Variants in ELOVL5 observed in about 807,000 individuals in gnomAD.
The protein encoded by ELOVL5 is very long chain fatty acid elongase 5.
A neutral mutation model predicts 38.6 loss-of-function variants in ELOVL5; 8 were observed. That is an observed-to-expected ratio of 0.21 (90% CI 0.12 to 0.37). The LOEUF (loss-of-function observed/expected upper bound fraction) is 0.37, where lower values mean the gene tolerates loss of function less well. Ranked by LOEUF, ELOVL5 falls within the 10% of genes least tolerant of loss-of-function variation. The pLI, the probability that ELOVL5 is intolerant of heterozygous loss-of-function variation, is 1.00. For synonymous variants in ELOVL5, 127 were observed against 133.7 expected (o/e 0.95, Z 0.34); for missense variants, 280 against 367.8 (o/e 0.76, Z 1.95).
intron 6 of ELOVL5, among the ~76,000 whole-genome samples, chr6:53,271,407 G>C (rs1315999466): frequency 6.6e-6 from 1 of 152,126 alleles, no homozygotes; most frequent in African/African-American, 2.4e-5. Context: ...AAAATTAGCT[G>C]GGTATGGTGG....
chr6:53,292,083 T>C (rs983165898), intron 2 of ELOVL5, 120 bp from the exon 3 acceptor site: 4 of 577,844 alleles, frequency 6.9e-6, no homozygotes, highest in African/African-American at 5.7e-5. Context: ...TTAATTCCAA[T>C]AAAGCAATCA....
intron 3 of ELOVL5, among the ~76,000 whole-genome samples, chr6:53,278,720 A>C (rs1766237652): frequency 6.6e-6 from 1 of 151,958 alleles, no homozygotes; most frequent in South Asian, 2.1e-4. Flanking sequence ...TTCCTCTTCC[A>C]CCTGTTGAGG....
intron 1 of ELOVL5, among the ~76,000 whole-genome samples, chr6:53,343,146 TTGC>T (rs1286590341): frequency 2.0e-5 from 3 of 152,126 alleles, no homozygotes; most frequent in African/African-American, 4.8e-5. Context: ...AACCAGCAGC[TTGC>T]TGCTGCTGCT....
chr6:53,315,222 T>C (rs1166538152), intron 1 of ELOVL5, among the ~76,000 whole-genome samples: 1 of 152,086 alleles, frequency 6.6e-6, no homozygotes, highest in African/African-American at 2.4e-5. Flanking sequence ...TGGGGATGGG[T>C]AGAGAGAGTA....
intron 2 of ELOVL5, chr6:53,294,368 T>C (rs748602752): frequency 1.3e-6 from 2 of 1,567,722 alleles, no homozygotes; most frequent in Admixed American, 1.9e-5. Flanking sequence ...AACTTCTTTA[T>C]GCTTAAAACC....
intron 1 of ELOVL5, among the ~76,000 whole-genome samples, chr6:53,324,419 T>C (rs1452917987): frequency 1.3e-5 from 2 of 151,984 alleles, no homozygotes; most frequent in Non-Finnish European, 2.9e-5. Flanking sequence ...CTCACAGCTG[T>C]AATCCCAACA....
At chr6:53,302,554 G>C (rs80062634) in intron 1 of ELOVL5, among the ~76,000 whole-genome samples, 9,309 of 151,990 alleles carry the variant, frequency 0.061, 587 homozygotes, top group Admixed American at 0.21. Context: ...CCTGGGGTAG[G>C]AGAGAGTGAC....
chr6:53,330,792 C>T (rs1768765522), intron 1 of ELOVL5, among the ~76,000 whole-genome samples: 1 of 151,958 alleles, frequency 6.6e-6, no homozygotes, highest in African/African-American at 2.4e-5. Context: ...ATTCTGTAAG[C>T]TTTTTTCTAT....
chr6:53,278,694 T>C (rs1392083651), intron 3 of ELOVL5, among the ~76,000 whole-genome samples: 1 of 152,128 alleles, frequency 6.6e-6, no homozygotes, highest in African/African-American at 2.4e-5. Flanking sequence ...CCACTCCACT[T>C]GACCTAGGCC....
chr6:53,297,370 GAA>G (rs1767046799), intron 1 of ELOVL5, among the ~76,000 whole-genome samples: 1 of 152,136 alleles, frequency 6.6e-6, no homozygotes, highest in Non-Finnish European at 1.5e-5. Context: ...TACGAGGTGG[GAA>G]ATTCCAGAAA....
At chr6:53,287,740 G>T in intron 3 of ELOVL5, 1 of 817,064 alleles carries the variant, frequency 1.2e-6, no homozygotes, top group Non-Finnish European at 2.0e-6. Flanking sequence ...TTTGAGTAGA[G>T]CTCAGCATAA....
At position 53,274,861 on chromosome 6, in the gene ELOVL5, T is replaced by C. The variant is rs77413553; in HGVS notation, c.496+229A>G. On this transcript the variant is annotated intron_variant, in intron 5 of 7. Coordinates refer to ENST00000304434, the MANE Select transcript of ELOVL5 (RefSeq NM_021814.5). ...AGAATATTGTACCTATTCCTTAATA[T>C]GTCCCCAGTGGTATCTCCCTCATCT... is the stretch of plus-strand genomic sequence containing the variant. 3.0e-3 allele frequency among the ~76,000 whole-genome samples: 453 copies of C among 152,334 alleles called. 3 individuals carry two copies. The highest frequency in any genetic ancestry group is 5.0e-3 in the Non-Finnish European group (338 of 68,022).
At chr6:53,311,589 A>T (rs538251213) in intron 1 of ELOVL5, among the ~76,000 whole-genome samples, 1 of 152,332 alleles carries the variant, frequency 6.6e-6, no homozygotes, top group South Asian at 2.1e-4. Flanking sequence ...CCAAAAGTCG[A>T]TCAACTGATT....
At chr6:53,331,827 G>A (rs888215448) in intron 1 of ELOVL5, among the ~76,000 whole-genome samples, 1 of 152,186 alleles carries the variant, frequency 6.6e-6, no homozygotes, top group African/African-American at 2.4e-5. Flanking sequence ...AGGAATATCT[G>A]AGACAGGGTA....
At chr6:53,287,495 G>A (rs1766616995) in intron 3 of ELOVL5, among the ~76,000 whole-genome samples, 1 of 152,116 alleles carries the variant, frequency 6.6e-6, no homozygotes, top group African/African-American at 2.4e-5. Flanking sequence ...CATCATGAGA[G>A]TACTTTGAAA....
intron 1 of ELOVL5, among the ~76,000 whole-genome samples, chr6:53,303,938 C>T (rs1184988484): frequency 6.6e-6 from 1 of 152,274 alleles, no homozygotes; most frequent in East Asian, 1.9e-4. Context: ...TCTCCAAGGC[C>T]CAGATTAGGT....
intron 4 of ELOVL5, among the ~76,000 whole-genome samples, chr6:53,275,619 C>T (rs1766081593): frequency 6.7e-6 from 1 of 148,824 alleles, no homozygotes; most frequent in Non-Finnish European, 1.5e-5. Context: ...CAAAGGAAAA[C>T]CATCTGAAAA....
At chr6:53,292,900 C>G (rs150808335) in intron 2 of ELOVL5, among the ~76,000 whole-genome samples, 1 of 152,140 alleles carries the variant, frequency 6.6e-6, no homozygotes, top group Admixed American at 6.5e-5. Context: ...AGCATGAGAG[C>G]GAAGACCTAG....
At chr6:53,275,408 TG>T in intron 4 of ELOVL5, 147 bp from the exon 5 acceptor site, 1 of 723,832 alleles carries the variant, frequency 1.4e-6, no homozygotes, top group South Asian at 1.8e-5. Context: ...CATCAGTGGC[TG>T]GGAGCTATGG....
Sources: gnomAD v4.1 joint callset for allele counts (sites outside exome capture counted in the v4.1 genomes callset) on GRCh38, gnomAD v4.1.1 for gene constraint, MANE v1.5 for transcripts, NCBI Gene and HGNC (gene_info 2026-07-23, HGNC 2026-07-21) for gene names.